The following KCNIP4 variants were observed in gnomAD, a reference collection of about 807,000 sequenced individuals.
The protein encoded by KCNIP4 is potassium voltage-gated channel interacting protein 4, also known as Kv channel-interacting protein 4.
A neutral mutation model predicts 34.0 loss-of-function variants in KCNIP4; 12 were observed. The ratio of observed to expected loss-of-function variants is 0.35; its 90% confidence interval spans 0.23 to 0.57. KCNIP4 has a LOEUF of 0.57. Ranked by LOEUF, KCNIP4 falls within the 20% of genes least tolerant of loss-of-function variation. KCNIP4 has a pLI of 0.83. For synonymous variants in KCNIP4, 124 were observed against 102.2 expected, an observed-to-expected ratio of 1.21 and a Z score of -1.29; for missense variants, 238 against 311.7, an observed-to-expected ratio of 0.76 and a Z score of 1.78.
At chr4:21,284,731 C>T (rs762124680) in intron 1 of KCNIP4, among the ~76,000 whole-genome samples, 95 of 126,166 alleles carry the variant, frequency 7.5e-4, no homozygotes, top group Non-Finnish European at 1.1e-3. Flanking sequence ...CATGTGGGTG[C>T]CCTTGTGTGT....
chr4:21,946,097 A>C (rs1164631614), intron 1 of KCNIP4, among the ~76,000 whole-genome samples: 2 of 151,004 alleles, frequency 1.3e-5, no homozygotes, highest in Non-Finnish European at 2.9e-5. Context: ...TTGCAACTCG[A>C]CTCTGTTCTG....
chr4:20,780,020 G>A (rs1756732412), intron 3 of KCNIP4, among the ~76,000 whole-genome samples: 1 of 152,148 alleles, frequency 6.6e-6, no homozygotes, highest in Non-Finnish European at 1.5e-5. Context: ...GCTGCATTAG[G>A]AAACTAATAC....
intron 3 of KCNIP4, among the ~76,000 whole-genome samples, chr4:20,823,655 G>A (rs1322657250): frequency 6.6e-6 from 1 of 152,162 alleles, no homozygotes; most frequent in Non-Finnish European, 1.5e-5. Flanking sequence ...ACCAGACATA[G>A]GATCTGCTGG....
rs143385094 is a variant in KCNIP4, at chr4:21,700,701, T to C, written c.61+247870A>G. On this transcript the variant is annotated intron_variant, in intron 1 of 8. Coordinates refer to ENST00000382152, the MANE Select transcript of KCNIP4 (RefSeq NM_025221.6). The stretch of plus-strand genomic sequence containing the variant: ...TACCAATGTCCTGAAGCTTTTCTCC[T>C]ATATTTCAGTAGTATCACAGTTCCA... 7.3e-3 allele frequency among the ~76,000 whole-genome samples: 1,104 copies of C among 152,258 alleles called. 9 individuals are homozygous for C. Among genetic ancestry groups the C allele is most frequent in the African/African-American group, 0.024 (994 of 41,572 alleles).
intron 1 of KCNIP4, among the ~76,000 whole-genome samples, chr4:21,269,391 C>A (rs1389402530): frequency 6.6e-6 from 1 of 152,118 alleles, no homozygotes; most frequent in East Asian, 1.9e-4. Flanking sequence ...TAATTTCCAG[C>A]TTGTTTTATT....
At chr4:21,445,083 C>T (rs957763861) in intron 1 of KCNIP4, among the ~76,000 whole-genome samples, 3 of 152,146 alleles carry the variant, frequency 2.0e-5, no homozygotes, top group African/African-American at 7.2e-5. Context: ...TGAAGGACCT[C>T]TTCAAGGAGA....
intron 1 of KCNIP4, among the ~76,000 whole-genome samples, chr4:21,576,909 C>T (rs6816540): frequency 0.038 from 5,844 of 152,110 alleles, 366 homozygotes; most frequent in African/African-American, 0.13. Flanking sequence ...GCTCCATTAT[C>T]ATATAATGAC....
chr4:21,060,521 A>G (rs1331358852), intron 1 of KCNIP4, among the ~76,000 whole-genome samples: 1 of 152,218 alleles, frequency 6.6e-6, no homozygotes, highest in Admixed American at 6.5e-5. Flanking sequence ...TATTCTTTTC[A>G]CAAACACCTG....
intron 1 of KCNIP4, among the ~76,000 whole-genome samples, chr4:21,550,709 G>A (rs1230649530): frequency 6.6e-6 from 1 of 152,006 alleles, no homozygotes; most frequent in African/African-American, 2.4e-5. Flanking sequence ...TCTATGACAG[G>A]TTACTTTTGG....
chr4:21,865,082 T>C (rs929091133), intron 1 of KCNIP4, among the ~76,000 whole-genome samples: 13 of 138,990 alleles, frequency 9.4e-5, no homozygotes, highest in African/African-American at 1.7e-4. Context: ...ATTGCCTCTC[T>C]TTTTTTTTCT....
chr4:20,971,653 T>G (rs1422869934), intron 1 of KCNIP4, among the ~76,000 whole-genome samples: 1 of 152,206 alleles, frequency 6.6e-6, no homozygotes, highest in East Asian at 1.9e-4. Context: ...GATTAGCAAG[T>G]ATAATATTTT....
intron 1 of KCNIP4, among the ~76,000 whole-genome samples, chr4:21,810,289 C>T (rs1418945075): frequency 6.6e-6 from 1 of 152,162 alleles, no homozygotes; most frequent in Admixed American, 6.5e-5. Context: ...AATCATAAAA[C>T]TGGTAAGAGA....
At chr4:20,930,842 A>T (rs1730387347) in intron 1 of KCNIP4, among the ~76,000 whole-genome samples, 1 of 151,714 alleles carries the variant, frequency 6.6e-6, no homozygotes, top group African/African-American at 2.4e-5. Context: ...CTATTATAAA[A>T]AAAAAAAAAG....
chr4:20,983,813 C>T, intron 1 of KCNIP4: 2 of 1,536,284 alleles, frequency 1.3e-6, no homozygotes, highest in Non-Finnish European at 1.7e-6. Flanking sequence ...GACCACTTTA[C>T]CTTCCGAAAA....
intron 1 of KCNIP4, among the ~76,000 whole-genome samples, chr4:21,152,477 G>A (rs1483420188): frequency 6.6e-6 from 1 of 151,140 alleles, no homozygotes; most frequent in Non-Finnish European, 1.5e-5. Context: ...TTCTATCACT[G>A]CCCCACCAAA....
intron 1 of KCNIP4, among the ~76,000 whole-genome samples, chr4:21,604,910 T>C (rs971902987): frequency 2.0e-5 from 3 of 152,124 alleles, no homozygotes; most frequent in African/African-American, 7.2e-5. Flanking sequence ...GAGGTCAGAT[T>C]ACTTCGCTTT....
At chr4:21,941,333 T>C (rs1730193948) in intron 1 of KCNIP4, among the ~76,000 whole-genome samples, 1 of 152,158 alleles carries the variant, frequency 6.6e-6, no homozygotes, top group African/African-American at 2.4e-5. Flanking sequence ...CAGTAGATAC[T>C]GCTATCAGTC....
Position 21,742,117 on chromosome 4 carries a change from A to AC in KCNIP4, c.61+206453dup, listed in dbSNP as rs573650923. ...TTCTCCATAAATAAAAAACTCAAGT[A>AC]CCAAATTGAAACAGCGTTATTGTAC... is the stretch of plus-strand genomic sequence containing the variant. On this transcript the variant is annotated intron_variant, in intron 1 of 8. Transcript: ENST00000382152. 3.3e-4 allele frequency among the ~76,000 whole-genome samples: 51 copies of AC among 152,252 alleles called. 2 individuals carry two copies. Among genetic ancestry groups the AC allele is most frequent in the Admixed American group, 1.4e-3 (22 of 15,278 alleles).
intron 1 of KCNIP4, among the ~76,000 whole-genome samples, chr4:20,905,315 G>A (rs1481717019): frequency 6.6e-6 from 1 of 151,972 alleles, no homozygotes; most frequent in Non-Finnish European, 1.5e-5. Flanking sequence ...TTTTTATAAG[G>A]AAACCAGCCA....
Sources: allele counts gnomAD v4.1 joint callset (sites outside exome capture counted in the v4.1 genomes callset), GRCh38; gene constraint gnomAD v4.1.1; transcripts MANE v1.5; gene names NCBI Gene and HGNC (gene_info 2026-07-23, HGNC 2026-07-21).